Variants in SIL1 observed in about 807,000 individuals in gnomAD.
SIL1 encodes the protein SIL1 nucleotide exchange factor.
A neutral mutation model predicts 49.1 loss-of-function variants in SIL1; 40 were observed. That is an observed-to-expected ratio of 0.81 (90% CI 0.63 to 1.06). The LOEUF (loss-of-function observed/expected upper bound fraction) is 1.06. SIL1 is among the 50% of genes least tolerant of loss of function. SIL1 has a pLI of 0.00. For missense variants in SIL1, 500 were observed against 572.6 expected, an observed-to-expected ratio of 0.87 and a Z score of 1.29; for synonymous variants, 253 against 250.8, an observed-to-expected ratio of 1.01 and a Z score of -0.08.
At chr5:139,002,280 G>A (rs909179097) in intron 7 of SIL1, among the ~76,000 whole-genome samples, 1 of 151,720 alleles carries the variant, frequency 6.6e-6, no homozygotes, top group African/African-American at 2.4e-5. Flanking sequence ...GTGAACAAAG[G>A]GAAATACAAA....
At chr5:139,125,168 G>A (rs1027724061) in intron 2 of SIL1, among the ~76,000 whole-genome samples, 2 of 152,218 alleles carry the variant, frequency 1.3e-5, no homozygotes, top group African/African-American at 4.8e-5. Flanking sequence ...GAGAGAGAGA[G>A]GCAGGCCAGC....
chr5:139,082,523 G>A (rs1170421019), intron 3 of SIL1, among the ~76,000 whole-genome samples: 1 of 152,180 alleles, frequency 6.6e-6, no homozygotes, highest in Non-Finnish European at 1.5e-5. Flanking sequence ...ATAGGGCCTG[G>A]AAGCCCCCGC....
chr5:139,059,630 G>C (rs1769539774), intron 3 of SIL1, among the ~76,000 whole-genome samples: 1 of 152,104 alleles, frequency 6.6e-6, no homozygotes, highest in African/African-American at 2.4e-5. Context: ...AGTAACAAAA[G>C]AGGACATCAA....
intron 1 of SIL1, among the ~76,000 whole-genome samples, chr5:139,150,176 C>T (rs11242450): frequency 0.43 from 65,823 of 152,010 alleles, 15,371 homozygotes; most frequent in South Asian, 0.55. Context: ...TAAACCCCAG[C>T]GGATAACTTC....
intron 3 of SIL1, among the ~76,000 whole-genome samples, chr5:139,092,830 G>T (rs1770371180): frequency 6.6e-6 from 1 of 152,040 alleles, no homozygotes. Context: ...ATATTATGAG[G>T]TTGCTATGGT....
intron 5 of SIL1, among the ~76,000 whole-genome samples, chr5:139,041,818 C>CAAAAAAAA (rs536666463): frequency 4.2e-4 from 36 of 85,766 alleles, no homozygotes; most frequent in East Asian, 7.9e-4. Flanking sequence ...AACTCAAAAA[C>CAAAAAAAA]AAAAAAAAAA....
chr5:138,968,360 G>A (rs966183826), intron 7 of SIL1, among the ~76,000 whole-genome samples: 3 of 152,082 alleles, frequency 2.0e-5, no homozygotes, highest in Admixed American at 6.5e-5. Flanking sequence ...CCTGTTTCAG[G>A]ACCAAAGTGA....
chr5:139,040,003 C>A (rs1769003573), intron 5 of SIL1, among the ~76,000 whole-genome samples: 1 of 152,044 alleles, frequency 6.6e-6, no homozygotes, highest in Non-Finnish European at 1.5e-5. Flanking sequence ...TTCTCGTCCC[C>A]AAAAACATCC....
At chr5:139,182,684 A>G (rs1561893748) in intron 1 of SIL1, among the ~76,000 whole-genome samples, 1 of 152,340 alleles carries the variant, frequency 6.6e-6, no homozygotes, top group East Asian at 1.9e-4. Flanking sequence ...GGAAGGAGAA[A>G]AGGGGAAGAG....
chr5:139,051,630 A>G (rs763072005), intron 3 of SIL1, among the ~76,000 whole-genome samples: 1 of 152,248 alleles, frequency 6.6e-6, no homozygotes, highest in African/African-American at 2.4e-5. Flanking sequence ...GGCTTGGCAC[A>G]TAAAAGTGTG....
chr5:138,981,728 T>C (rs1245346557), intron 7 of SIL1, among the ~76,000 whole-genome samples: 1 of 152,240 alleles, frequency 6.6e-6, no homozygotes, highest in African/African-American at 2.4e-5. Context: ...CTGGAGTTTC[T>C]GTTCTGTCCC....
intron 1 of SIL1, among the ~76,000 whole-genome samples, chr5:139,166,294 G>A (rs541062544): frequency 2.6e-5 from 4 of 152,304 alleles, no homozygotes; most frequent in Admixed American, 2.6e-4. Context: ...CAATGGAGCT[G>A]AAACATTCCT....
intron 7 of SIL1, among the ~76,000 whole-genome samples, chr5:138,993,853 G>A (rs984720505): frequency 6.6e-6 from 1 of 152,176 alleles, no homozygotes; most frequent in Non-Finnish European, 1.5e-5. Flanking sequence ...CAATGCAGAG[G>A]ACCCGACAAA....
At chr5:139,041,521 G>A (rs905938514) in intron 5 of SIL1, among the ~76,000 whole-genome samples, 2 of 152,158 alleles carry the variant, frequency 1.3e-5, no homozygotes, top group Non-Finnish European at 2.9e-5. Context: ...AGGCAAATGA[G>A]TGCCCAGCAC....
chr5:138,983,412 G>A (rs1467037935), intron 7 of SIL1, among the ~76,000 whole-genome samples: 1 of 151,548 alleles, frequency 6.6e-6, no homozygotes, highest in African/African-American at 2.4e-5. Context: ...GGAGGCTGAG[G>A]CAGGAGAATG....
At chr5:139,136,302 A>G (rs1017706579) in intron 1 of SIL1, among the ~76,000 whole-genome samples, 2 of 152,218 alleles carry the variant, frequency 1.3e-5, no homozygotes, top group Admixed American at 6.5e-5. Context: ...GAACTTATCA[A>G]TGGATCCAGG....
chr5:139,168,276 T>C (rs1410926726), intron 1 of SIL1, among the ~76,000 whole-genome samples: 1 of 152,228 alleles, frequency 6.6e-6, no homozygotes, highest in East Asian at 1.9e-4. Flanking sequence ...GGCTGTATTT[T>C]GGAACTCTGG....
intron 2 of SIL1, among the ~76,000 whole-genome samples, chr5:139,123,574 A>G (rs1249383044): frequency 6.6e-6 from 1 of 152,178 alleles, no homozygotes; most frequent in Non-Finnish European, 1.5e-5. Flanking sequence ...GAGCCTACAT[A>G]CACTAGGATC....
chr5:139,170,828 G>A (rs1751743623), intron 1 of SIL1, among the ~76,000 whole-genome samples: 4 of 148,966 alleles, frequency 2.7e-5, no homozygotes, highest in South Asian at 2.1e-4. Flanking sequence ...GAGGTGGGGG[G>A]GTCAGCCCCC....
Sources: gnomAD v4.1 joint callset for allele counts (sites outside exome capture counted in the v4.1 genomes callset) on GRCh38, gnomAD v4.1.1 for gene constraint, MANE v1.5 for transcripts, NCBI Gene and HGNC (gene_info 2026-07-23, HGNC 2026-07-21) for gene names.